The following CCDC179 variants were observed in gnomAD, a reference collection of about 807,000 sequenced individuals.
CCDC179 encodes the protein coiled-coil domain-containing protein 179.
CCDC179 carries 17 observed loss-of-function variants against 12.0 expected under a neutral mutation model. That is an observed-to-expected ratio of 1.42 (90% CI 0.97 to 2.13). The LOEUF is 2.13. CCDC179 is among the 30% of genes most tolerant of loss of function. The pLI, the probability that CCDC179 is intolerant of heterozygous loss-of-function variation, is 0.00. For missense variants in CCDC179, 83 were observed against 78.6 expected (o/e 1.06, Z -0.21); for synonymous variants, 27 against 26.4 (o/e 1.02, Z -0.07).
chr11:22,856,576 T>C (rs1195846451), intron 3 of CCDC179, among the ~76,000 whole-genome samples: 1 of 151,526 alleles, frequency 6.6e-6, no homozygotes, highest in African/African-American at 2.4e-5. Context: ...AGAAACCAGA[T>C]TTTTTTCAGT....
At chr11:22,848,800 A>G (rs978028595) in intron 3 of CCDC179, among the ~76,000 whole-genome samples, 1 of 152,210 alleles carries the variant, frequency 6.6e-6, no homozygotes, top group Non-Finnish European at 1.5e-5. Flanking sequence ...ACTCTGTGGT[A>G]TGGTTTCTGG....
chr11:22,848,143 G>A (rs926478497), intron 3 of CCDC179, among the ~76,000 whole-genome samples: 2 of 152,086 alleles, frequency 1.3e-5, no homozygotes, highest in African/African-American at 2.4e-5. Context: ...TTTTTAAAAG[G>A]TTTTATTATA....
chr11:22,847,567 T>C (rs1245802353), intron 3 of CCDC179, 46 bp from the exon 4 acceptor site: 71 of 1,079,764 alleles, frequency 6.6e-5, no homozygotes, highest in African/African-American at 9.6e-5. Context: ...TTAATTAAAA[T>C]TTATATAAGG....
Position 22,857,916 on chromosome 11 carries a change from A to G in CCDC179, c.195+6T>C. The G allele has an allele frequency of 2.8e-6, 4 of 1,417,154 alleles. No individual in the cohort carries two copies. The highest frequency in any genetic ancestry group is 2.8e-6 in the Non-Finnish European group (3 of 1,055,998). The allele number at this position is 1,417,154 out of a possible 1,614,324, so 87.8% of individuals were successfully genotyped here. A position where few individuals can be genotyped will look rare whatever the true frequency, so the allele number is the denominator to read the frequency against. ...CTGTTAATTTCAGTGAAACCTCTAT[A>G]CTTACTAGGAGTCCTGGTTCTGGAA... On this transcript the variant is annotated splice_donor_region_variant and intron_variant, in intron 3 of 3. Transcript: ENST00000532798.
intron 2 of CCDC179, chr11:22,858,244 AATAAGACT>A (rs1858574346): frequency 2.9e-6 from 1 of 349,284 alleles, no homozygotes; most frequent in African/African-American, 2.1e-5. Context: ...AGGGTTTTCA[AATAAGACT>A]ATTCTTGATT....
chr11:22,859,431 A>C, intron 2 of CCDC179, 21 bp downstream of exon 2: 5 of 1,468,682 alleles, frequency 3.4e-6, no homozygotes, highest in Middle Eastern at 1.8e-4. Flanking sequence ...ACCAGAACCT[A>C]GTTCTTTATT....
chr11:22,849,194 A>C (rs1159351259), intron 3 of CCDC179, among the ~76,000 whole-genome samples: 1 of 152,192 alleles, frequency 6.6e-6, no homozygotes, highest in African/African-American at 2.4e-5. Flanking sequence ...TCTTGGAAGA[A>C]AGGTATACTT....
chr11:22,859,801 A>G (rs557314803), intron 1 of CCDC179, among the ~76,000 whole-genome samples: 1 of 152,264 alleles, frequency 6.6e-6, no homozygotes, highest in East Asian at 1.9e-4. Flanking sequence ...TGTACGAGAA[A>G]TCGAAAAATG....
intron 3 of CCDC179, among the ~76,000 whole-genome samples, chr11:22,855,824 T>C (rs1222506198): frequency 6.6e-6 from 1 of 151,138 alleles, no homozygotes; most frequent in Non-Finnish European, 1.5e-5. Flanking sequence ...AGACACAAAT[T>C]ACTAACATCA....
chr11:22,850,960 ATATATATATATATATATT>A (rs1858371229), intron 3 of CCDC179, among the ~76,000 whole-genome samples: 2 of 6,714 alleles, frequency 3.0e-4, no homozygotes, highest in African/African-American at 5.2e-4. Flanking sequence ...ATATATATAT[ATATATATATATATATATT>A]TTTTTTTTTT....
intron 3 of CCDC179, among the ~76,000 whole-genome samples, chr11:22,852,101 C>G (rs1165969596): frequency 6.6e-6 from 1 of 152,142 alleles, no homozygotes; most frequent in Non-Finnish European, 1.5e-5. Flanking sequence ...CTCCTGTTCC[C>G]TATAGCTTTC....
rs927629762 is a variant in CCDC179 at position 22,847,119 on chromosome 11, G to A, written c.*391C>T. Reference sequence around the variant, plus strand: ...ATTTAAACATTTTGTTTAAATGGAAGTCATTATAAATATACAGCAGAGGAA... The same window carrying A: ...ATTTAAACATTTTGTTTAAATGGAAATCATTATAAATATACAGCAGAGGAA... On this transcript the variant is annotated 3_prime_UTR_variant, in exon 4 of 4. Transcript: ENST00000532798. 6.4e-6 allele frequency: 1 copy of A among 156,064 alleles called. No homozygotes were observed. The highest frequency in any genetic ancestry group is 2.4e-5 in the African/African-American group (1 of 41,576). 9.7% of individuals were successfully genotyped at this position (156,064 alleles called of 1,614,324 possible).
intron 3 of CCDC179, among the ~76,000 whole-genome samples, chr11:22,850,433 C>T (rs762770240): frequency 6.6e-6 from 1 of 152,156 alleles, no homozygotes; most frequent in African/African-American, 2.4e-5. Flanking sequence ...TTATTTTGTT[C>T]CATTTTATGG....
At chr11:22,851,026 C>A (rs1169898437) in intron 3 of CCDC179, among the ~76,000 whole-genome samples, 1 of 107,788 alleles carries the variant, frequency 9.3e-6, no homozygotes, top group Non-Finnish European at 1.8e-5. Context: ...TGCTCTGTCA[C>A]CCAGGCTGGA....
intron 3 of CCDC179, among the ~76,000 whole-genome samples, chr11:22,851,286 T>C (rs1475949896): frequency 1.3e-5 from 2 of 151,744 alleles, no homozygotes; most frequent in African/African-American, 4.8e-5. Flanking sequence ...AAACAAATGG[T>C]AAACAAAGCC....
At chr11:22,859,406 C>A (rs1319189481) in intron 2 of CCDC179, 46 bp downstream of exon 2, 4 of 1,334,478 alleles carry the variant, frequency 3.0e-6, no homozygotes, top group Admixed American at 4.7e-5. Flanking sequence ...AAGTTACAAG[C>A]ACAATGTTTA....
chr11:22,859,530 CAAAA>C (rs756747564), intron 1 of CCDC179, 34 bp from the exon 2 acceptor site: 1 of 1,320,118 alleles, frequency 7.6e-7, no homozygotes, highest in African/African-American at 1.5e-5. Context: ...CACATTCACA[CAAAA>C]AAGTCATTAA....
At chr11:22,850,127 C>A (rs775905154) in intron 3 of CCDC179, among the ~76,000 whole-genome samples, 1 of 152,186 alleles carries the variant, frequency 6.6e-6, no homozygotes, top group Non-Finnish European at 1.5e-5. Flanking sequence ...TTACTATACA[C>A]GTGGCTGGCA....
chr11:22,853,435 A>G (rs1257016739), intron 3 of CCDC179, among the ~76,000 whole-genome samples: 1 of 152,166 alleles, frequency 6.6e-6, no homozygotes, highest in Non-Finnish European at 1.5e-5. Flanking sequence ...GAAGAAATCA[A>G]ACTAACACTA....
Sources: allele counts gnomAD v4.1 joint callset (sites outside exome capture counted in the v4.1 genomes callset), GRCh38; gene constraint gnomAD v4.1.1; transcripts MANE v1.5; gene names NCBI Gene and HGNC (gene_info 2026-07-23, HGNC 2026-07-21).